Variants in ZNF423 observed in about 807,000 individuals in gnomAD.
ZNF423 encodes zinc finger protein 423, also known as Ebf-associated zinc finger protein.
Under a neutral mutation model 95.8 loss-of-function variants are expected in ZNF423, and 12 were observed. That is an observed-to-expected ratio of 0.13 (90% CI 0.08 to 0.20). The LOEUF is 0.20. ZNF423 is among the 10% of genes least tolerant of loss of function. The probability of loss-of-function intolerance (pLI) is 1.00; values close to 1 mark genes in which losing one functional copy is unlikely to be tolerated. For missense variants in ZNF423, 1,316 were observed against 1,737.1 expected (o/e 0.76, Z 4.31); for synonymous variants, 749 against 711.9 (o/e 1.05, Z -0.83).
chr16:49,613,471 T>C (rs1971786547), intron 5 of ZNF423, among the ~76,000 whole-genome samples: 1 of 152,232 alleles, frequency 6.6e-6, no homozygotes, highest in Admixed American at 6.5e-5. Flanking sequence ...AGCAAGAAGA[T>C]TGCTTGAAGC....
chr16:49,698,702 GCC>G (rs200563122), intron 3 of ZNF423, among the ~76,000 whole-genome samples: 1,702 of 152,274 alleles, frequency 0.011, 28 homozygotes, highest in African/African-American at 0.039. Context: ...GAACACAGCC[GCC>G]CTGCTCCCGG....
intron 7 of ZNF423, among the ~76,000 whole-genome samples, chr16:49,506,110 G>A (rs1008756514): frequency 5.9e-5 from 9 of 152,236 alleles, no homozygotes; most frequent in African/African-American, 2.2e-4. Context: ...TAAGGAGAGG[G>A]ATAGGTAAGA....
At chr16:49,856,944 C>A (rs961979429), upstream of ZNF423, among the ~76,000 whole-genome samples, 3 of 146,876 alleles carry the variant, frequency 2.0e-5, no homozygotes, top group African/African-American at 7.4e-5. Flanking sequence ...GCCGGGCTCC[C>A]GTCCTCCTGG....
chr16:49,774,727 T>C (rs4785348), intron 2 of ZNF423, among the ~76,000 whole-genome samples: 33,709 of 151,768 alleles, frequency 0.22, 4,065 homozygotes, highest in African/African-American at 0.32. Context: ...CAAATGACAG[T>C]CTGGGCAAGG....
intron 5 of ZNF423, among the ~76,000 whole-genome samples, chr16:49,606,049 G>A (rs144121933): frequency 3.3e-5 from 5 of 152,324 alleles, no homozygotes; most frequent in Admixed American, 1.3e-4. Flanking sequence ...TGTCACAGCC[G>A]CGTGCACCTG....
At chr16:49,670,891 T>C (rs1404751071) in intron 3 of ZNF423, among the ~76,000 whole-genome samples, 8 of 152,306 alleles carry the variant, frequency 5.3e-5, no homozygotes, top group South Asian at 4.1e-4. Context: ...AAAAAGCTGG[T>C]ATGATGGGAA....
chr16:49,701,551 C>T lies in ZNF423; in HGVS notation c.301+29220G>A, dbSNP rs912560359. On this transcript the variant is annotated intron_variant, in intron 3 of 7. Transcript: ENST00000563137. Reference sequence around the variant, plus strand: ...GGTTAATGATAATGAGACGGCAGCGCGCTACAGGAGCTTAACAGCTCTAAG... The same window carrying T: ...GGTTAATGATAATGAGACGGCAGCGTGCTACAGGAGCTTAACAGCTCTAAG... Among the ~76,000 whole-genome samples, 13 of 152,148 alleles carry T rather than the reference C, an allele frequency of 8.5e-5. No homozygotes were observed. The East Asian group carries it at 1.7e-3, about 20-fold the overall frequency.
At chr16:49,754,195 C>A (rs1255732455) in intron 2 of ZNF423, among the ~76,000 whole-genome samples, 1 of 152,086 alleles carries the variant, frequency 6.6e-6, no homozygotes, top group African/African-American at 2.4e-5. Context: ...TTGCCCCCAC[C>A]TAACCTGCCC....
chr16:49,578,701 G>A (rs1474372376), intron 5 of ZNF423, among the ~76,000 whole-genome samples: 1 of 152,214 alleles, frequency 6.6e-6, no homozygotes, highest in Admixed American at 6.5e-5. Context: ...TAGGCAGCCT[G>A]GAAGGGAGGG....
chr16:49,526,375 CCTGGGAGCCG>C (rs1338113188), intron 5 of ZNF423, among the ~76,000 whole-genome samples: 1 of 152,228 alleles, frequency 6.6e-6, no homozygotes. Context: ...CATCTCCCCA[CCTGGGAGCCG>C]CTGAGACCCC....
chr16:49,687,206 T>C (rs1380402326), intron 3 of ZNF423, among the ~76,000 whole-genome samples: 1 of 151,498 alleles, frequency 6.6e-6, no homozygotes, highest in Non-Finnish European at 1.5e-5. Context: ...AAGAGACCCC[T>C]GGCTGGGTGG....
chr16:49,512,142 T>C (rs1215203874), intron 7 of ZNF423, among the ~76,000 whole-genome samples: 1 of 152,206 alleles, frequency 6.6e-6, no homozygotes, highest in Non-Finnish European at 1.5e-5. Context: ...CTGCAACATG[T>C]GAGGGGCTTA....
At chr16:49,764,363 C>T (rs905126334) in intron 2 of ZNF423, 1 of 153,494 alleles carries the variant, frequency 6.5e-6, no homozygotes, top group African/African-American at 2.4e-5. Flanking sequence ...GGGCTAGACA[C>T]ACAATGGACT....
At chr16:49,641,756 G>T (rs987418240) in intron 3 of ZNF423, among the ~76,000 whole-genome samples, 1 of 152,158 alleles carries the variant, frequency 6.6e-6, no homozygotes, top group Non-Finnish European at 1.5e-5. Flanking sequence ...AAAACTAATG[G>T]GAGAAAGCAC....
At chr16:49,644,865 G>A (rs1973118730) in intron 3 of ZNF423, among the ~76,000 whole-genome samples, 1 of 152,020 alleles carries the variant, frequency 6.6e-6, no homozygotes, top group Admixed American at 6.6e-5. Flanking sequence ...GCAAAGGAGA[G>A]GCCAAGTAGA....
intron 5 of ZNF423, among the ~76,000 whole-genome samples, chr16:49,528,057 G>C (rs1445829454): frequency 6.6e-6 from 1 of 152,122 alleles, no homozygotes; most frequent in Non-Finnish European, 1.5e-5. Flanking sequence ...GACGTCCCCA[G>C]GCTGGGCCCT....
chr16:49,698,756 T>C (rs2032065950), intron 3 of ZNF423, among the ~76,000 whole-genome samples: 1 of 152,178 alleles, frequency 6.6e-6, no homozygotes, highest in Non-Finnish European at 1.5e-5. Flanking sequence ...CCCCAGCCCG[T>C]CAGCCAAGGT....
intron 1 of ZNF423, among the ~76,000 whole-genome samples, chr16:49,813,792 G>A (rs968951989): frequency 1.3e-5 from 2 of 152,188 alleles, no homozygotes; most frequent in Admixed American, 6.5e-5. Flanking sequence ...CACAGTGGCC[G>A]AGACAGCAGC....
intron 3 of ZNF423, among the ~76,000 whole-genome samples, chr16:49,696,645 C>T (rs1181669607): frequency 2.0e-5 from 3 of 152,064 alleles, no homozygotes; most frequent in Admixed American, 2.0e-4. Flanking sequence ...CGGCACCTAC[C>T]CACCCCCACC....
Sources: allele counts gnomAD v4.1 joint callset (sites outside exome capture counted in the v4.1 genomes callset), GRCh38; gene constraint gnomAD v4.1.1; transcripts MANE v1.5; gene names NCBI Gene and HGNC (gene_info 2026-07-23, HGNC 2026-07-21).